KCNIP4: variants seen among roughly 807,000 people sequenced by gnomAD.
KCNIP4 encodes Kv channel-interacting protein 4.
A neutral mutation model predicts 34.0 loss-of-function variants in KCNIP4; 12 were observed. That is an observed-to-expected ratio of 0.35 (90% CI 0.23 to 0.57). The LOEUF (loss-of-function observed/expected upper bound fraction) is 0.57. Ranked by LOEUF, KCNIP4 falls within the 20% of genes least tolerant of loss-of-function variation. KCNIP4 has a pLI of 0.83. For missense variants in KCNIP4, 238 were observed against 311.7 expected (o/e 0.76, Z 1.78); for synonymous variants, 124 against 102.2 (o/e 1.21, Z -1.29).
At chr4:20,922,520 T>TCTGC (rs1282164496) in intron 1 of KCNIP4, among the ~76,000 whole-genome samples, 54 of 81,074 alleles carry the variant, frequency 6.7e-4, no homozygotes, top group African/African-American at 2.3e-3. Context: ...AGTGTGACTG[T>TCTGC]CTGTCTGTCT....
At chr4:21,158,058 T>C (rs921971431) in intron 1 of KCNIP4, among the ~76,000 whole-genome samples, 7 of 151,860 alleles carry the variant, frequency 4.6e-5, no homozygotes, top group African/African-American at 1.4e-4. Flanking sequence ...AACACGCATG[T>C]GAAATGAACA....
At chr4:21,861,625 C>T (rs896080104) in intron 1 of KCNIP4, among the ~76,000 whole-genome samples, 2 of 144,354 alleles carry the variant, frequency 1.4e-5, no homozygotes, top group Admixed American at 7.1e-5. Flanking sequence ...CCACTGCACT[C>T]CAGCCTGGGC....
intron 1 of KCNIP4, among the ~76,000 whole-genome samples, chr4:21,212,751 A>T (rs912855701): frequency 2.0e-5 from 3 of 152,262 alleles, no homozygotes; most frequent in African/African-American, 7.2e-5. Flanking sequence ...CACTAATCCC[A>T]TTCATGAGGA....
At chr4:20,892,567 C>T (rs549458807) in intron 1 of KCNIP4, among the ~76,000 whole-genome samples, 2 of 152,240 alleles carry the variant, frequency 1.3e-5, no homozygotes, top group East Asian at 1.9e-4. Context: ...TCTGTCTCTA[C>T]CCCGACTCAG....
chr4:21,087,615 G>A lies in KCNIP4; in HGVS notation c.62-204906C>T, dbSNP rs143596946. On this transcript the variant is annotated intron_variant, in intron 1 of 8. Transcript: ENST00000382152. ...GTGACAGACTCTTAATTATCCTGTG[G>A]GAGTCAAGGTTTCATAAAAGCCTTC... is the stretch of plus-strand genomic sequence containing the variant. Among the ~76,000 whole-genome samples, 16 of 152,134 alleles carry A rather than the reference G, an allele frequency of 1.1e-4. No homozygotes were observed. The East Asian group carries it at 2.9e-3, about 28-fold the overall frequency.
At chr4:21,242,448 C>G (rs1250837329) in intron 1 of KCNIP4, among the ~76,000 whole-genome samples, 2 of 152,068 alleles carry the variant, frequency 1.3e-5, no homozygotes, top group African/African-American at 4.8e-5. Flanking sequence ...TCTGTGTCAA[C>G]TTGACTGCAC....
chr4:21,094,014 A>G (rs56821197), intron 1 of KCNIP4, among the ~76,000 whole-genome samples: 24,439 of 151,938 alleles, frequency 0.16, 2,083 homozygotes, highest in East Asian at 0.24. Context: ...CCCGGGAGGC[A>G]GAGCTTGCAG....
At position 21,384,187 on chromosome 4, in the gene KCNIP4, T is replaced by C. The variant is rs1170748341; in HGVS notation, c.62-501478A>G. Among the ~76,000 whole-genome samples the C allele has an allele frequency of 7.9e-5, 12 of 152,176 alleles. No individual in the cohort carries two copies. The South Asian group carries it at 2.5e-3, about 32-fold the overall frequency. ...TCTAAATACTCCTTCCCTCCACTCCTCTATGGAATTATGTATTGTATCACC... is the reference window on the plus strand; with the variant it reads ...TCTAAATACTCCTTCCCTCCACTCCCCTATGGAATTATGTATTGTATCACC... On this transcript the variant is annotated intron_variant, in intron 1 of 8. Coordinates refer to ENST00000382152, the MANE Select transcript of KCNIP4 (RefSeq NM_025221.6).
intron 1 of KCNIP4, 144 bp from the exon 2 acceptor site, chr4:20,882,853 C>T (rs867824221): frequency 9.4e-6 from 4 of 424,168 alleles, no homozygotes; most frequent in South Asian, 4.8e-5. Context: ...TTGGGACCCC[C>T]GAAAGGAAAA....
chr4:21,659,845 A>G (rs1279512889), intron 1 of KCNIP4, among the ~76,000 whole-genome samples: 1 of 152,172 alleles, frequency 6.6e-6, no homozygotes, highest in East Asian at 1.9e-4. Context: ...TAAAGTGGTT[A>G]TAGTAGATGA....
chr4:21,647,892 T>A (rs968203971), intron 1 of KCNIP4, among the ~76,000 whole-genome samples: 1 of 112,368 alleles, frequency 8.9e-6, no homozygotes, highest in South Asian at 3.0e-4. Flanking sequence ...TTTTTTTTTT[T>A]AGACAGTGTC....
At chr4:21,528,043 A>AT (rs1342029483) in intron 1 of KCNIP4, among the ~76,000 whole-genome samples, 1 of 152,148 alleles carries the variant, frequency 6.6e-6, no homozygotes, top group African/African-American at 2.4e-5. Context: ...TCAGCACTTC[A>AT]TTTTAATACA....
intron 1 of KCNIP4, among the ~76,000 whole-genome samples, chr4:21,442,810 T>C (rs1259813448): frequency 6.6e-6 from 1 of 152,208 alleles, no homozygotes; most frequent in East Asian, 1.9e-4. Flanking sequence ...TTTGATATGC[T>C]AGCAACTCCC....
At chr4:20,734,900 A>C (rs1749215938) in intron 5 of KCNIP4, among the ~76,000 whole-genome samples, 165 bp from the exon 6 acceptor site, 1 of 152,192 alleles carries the variant, frequency 6.6e-6, no homozygotes. Flanking sequence ...TGTGGGCATA[A>C]ATCACTCCTT....
chr4:21,652,733 A>G (rs1263587968), intron 1 of KCNIP4, among the ~76,000 whole-genome samples: 1 of 152,186 alleles, frequency 6.6e-6, no homozygotes, highest in East Asian at 1.9e-4. Context: ...CCAAAAGATC[A>G]CCAAAGAGAT....
At chr4:20,834,911 T>A (rs1334723900) in intron 3 of KCNIP4, among the ~76,000 whole-genome samples, 1 of 152,216 alleles carries the variant, frequency 6.6e-6, no homozygotes, top group East Asian at 1.9e-4. Context: ...CTGAATATTG[T>A]GGTTCTCATC....
chr4:21,332,662 A>G (rs16870831), intron 1 of KCNIP4, among the ~76,000 whole-genome samples: 50,587 of 151,678 alleles, frequency 0.33, 8,502 homozygotes, highest in Middle Eastern at 0.4. Flanking sequence ...TTCATCCCAA[A>G]TAGATTAAAC....
intron 1 of KCNIP4, among the ~76,000 whole-genome samples, chr4:21,722,927 G>T (rs1714924658): frequency 6.6e-6 from 1 of 152,118 alleles, no homozygotes; most frequent in Non-Finnish European, 1.5e-5. Context: ...GTTTTAAAAA[G>T]ATTCTCCGTG....
chr4:21,481,309 A>C (rs1030445374), intron 1 of KCNIP4, among the ~76,000 whole-genome samples: 1 of 152,192 alleles, frequency 6.6e-6, no homozygotes, highest in Non-Finnish European at 1.5e-5. Flanking sequence ...TTACAGGAAA[A>C]GGTGAGTCCC....
Sources: gnomAD v4.1 joint callset for allele counts (sites outside exome capture counted in the v4.1 genomes callset) on GRCh38, gnomAD v4.1.1 for gene constraint, MANE v1.5 for transcripts, NCBI Gene and HGNC (gene_info 2026-07-23, HGNC 2026-07-21) for gene names.